The following CMTM8 variants were observed in gnomAD, a reference collection of about 807,000 sequenced individuals.
CMTM8 encodes the protein CKLF-like MARVEL transmembrane domain-containing protein 8.
Under a neutral mutation model 18.6 loss-of-function variants are expected in CMTM8, and 12 were observed. That is an observed-to-expected ratio of 0.65 (90% CI 0.41 to 1.05). The LOEUF (loss-of-function observed/expected upper bound fraction) is 1.05. Ranked by LOEUF, CMTM8 falls within the 50% of genes least tolerant of loss-of-function variation. The pLI is 0.00. For synonymous variants in CMTM8, 87 were observed against 90.6 expected (o/e 0.96, Z 0.23); for missense variants, 217 against 227.2 (o/e 0.95, Z 0.29).
intron 1 of CMTM8, among the ~76,000 whole-genome samples, chr3:32,329,832 G>A (rs1479582504): frequency 1.3e-5 from 2 of 152,226 alleles, no homozygotes; most frequent in Non-Finnish European, 2.9e-5. Flanking sequence ...CCAATGACAT[G>A]ACCTAGTACG....
At chr3:32,273,334 A>G (rs1702469942) in intron 1 of CMTM8, among the ~76,000 whole-genome samples, 2 of 151,094 alleles carry the variant, frequency 1.3e-5, no homozygotes, top group South Asian at 4.2e-4. Flanking sequence ...GTATGTGTAC[A>G]CACACACACA....
At chr3:32,361,101 C>T (rs1267247166) in intron 2 of CMTM8, among the ~76,000 whole-genome samples, 1 of 152,156 alleles carries the variant, frequency 6.6e-6, no homozygotes, top group Non-Finnish European at 1.5e-5. Context: ...CCTGCCTCAG[C>T]CTCCCGCGTA....
chr3:32,369,026 T>C (rs1446785435), intron 3 of CMTM8, among the ~76,000 whole-genome samples: 1 of 152,082 alleles, frequency 6.6e-6, no homozygotes, highest in African/African-American at 2.4e-5. Context: ...AAAAGTAGAT[T>C]GGTCGGGCAC....
intron 1 of CMTM8, among the ~76,000 whole-genome samples, chr3:32,241,407 C>T (rs1701944994): frequency 6.6e-6 from 1 of 152,138 alleles, no homozygotes; most frequent in African/African-American, 2.4e-5. Context: ...AGAAATCATA[C>T]TTCGAATTTT....
chr3:32,331,402 TA>T, intron 1 of CMTM8, among the ~76,000 whole-genome samples: 1 of 152,102 alleles, frequency 6.6e-6, no homozygotes, highest in Admixed American at 6.5e-5. Flanking sequence ...TGGAAAACAG[TA>T]CGGGGGGTCC....
intron 1 of CMTM8, among the ~76,000 whole-genome samples, chr3:32,333,529 T>TA (rs919185327): frequency 6.6e-5 from 10 of 152,048 alleles, no homozygotes; most frequent in Admixed American, 5.9e-4. Context: ...TCATTTTTTT[T>TA]ATCCTTTCTC....
At chr3:32,327,510 T>C (rs1343166263) in intron 1 of CMTM8, among the ~76,000 whole-genome samples, 3 of 152,258 alleles carry the variant, frequency 2.0e-5, no homozygotes, top group Non-Finnish European at 4.4e-5. Flanking sequence ...CCTGAAGGTT[T>C]TGATTCTTCT....
chr3:32,326,458 C>G (rs370376684), intron 1 of CMTM8, among the ~76,000 whole-genome samples: 1 of 152,006 alleles, frequency 6.6e-6, no homozygotes, highest in Non-Finnish European at 1.5e-5. Flanking sequence ...CAAATCCCAG[C>G]CTCATCCCGG....
chr3:32,344,324 A>G (rs918539839), intron 1 of CMTM8, among the ~76,000 whole-genome samples: 4 of 152,208 alleles, frequency 2.6e-5, no homozygotes, highest in Admixed American at 1.3e-4. Context: ...ACCTGTTTTC[A>G]AGGCTAGAGT....
Position 32,368,007 on chromosome 3 carries a change from C to T in CMTM8, c.438+19C>T. 1 of 1,477,698 alleles carries T rather than the reference C, an allele frequency of 6.8e-7. No individual in the cohort carries two copies. Among genetic ancestry groups the T allele is most frequent in the Admixed American group, 1.7e-5 (1 of 59,818 alleles). 91.5% of individuals were successfully genotyped at this position (1,477,698 alleles called of 1,614,324 possible). A position where few individuals can be genotyped will look rare whatever the true frequency, so the allele number is the denominator to read the frequency against. On this transcript the variant is annotated intron_variant, in intron 3 of 3. Coordinates refer to ENST00000307526, the MANE Select transcript of CMTM8 (RefSeq NM_178868.5). ...CTCATCGGTGAGTAGCCCTCCATCC[C>T]CACATGATCCTCCTCTTCCCTCTCC...
intron 3 of CMTM8, among the ~76,000 whole-genome samples, chr3:32,369,315 G>A (rs1253890365): frequency 1.3e-5 from 2 of 152,024 alleles, no homozygotes; most frequent in East Asian, 1.9e-4. Context: ...ACTCCGTCTC[G>A]AAAAAACAAA....
intron 1 of CMTM8, among the ~76,000 whole-genome samples, chr3:32,308,141 A>G (rs1374051182): frequency 6.6e-6 from 1 of 151,704 alleles, no homozygotes; most frequent in African/African-American, 2.4e-5. Context: ...TCAGGATGAA[A>G]GAGTCACACC....
chr3:32,257,525 G>A (rs1292362973), intron 1 of CMTM8, among the ~76,000 whole-genome samples: 1 of 151,958 alleles, frequency 6.6e-6, no homozygotes, highest in Non-Finnish European at 1.5e-5. Flanking sequence ...TACACTTTAA[G>A]CCCAAATTCA....
intron 1 of CMTM8, among the ~76,000 whole-genome samples, chr3:32,302,945 T>C (rs1021123793): frequency 1.3e-5 from 2 of 152,176 alleles, no homozygotes; most frequent in Admixed American, 6.5e-5. Flanking sequence ...AGACCTGGTC[T>C]CACACTTAAA....
At chr3:32,340,180 G>A (rs548476321) in intron 1 of CMTM8, among the ~76,000 whole-genome samples, 4 of 152,246 alleles carry the variant, frequency 2.6e-5, no homozygotes, top group East Asian at 1.9e-4. Flanking sequence ...TGTGCAAGGC[G>A]TTGTAAGTGT....
chr3:32,307,976 G>C (rs558740672), intron 1 of CMTM8, among the ~76,000 whole-genome samples: 1 of 152,366 alleles, frequency 6.6e-6, no homozygotes, highest in Non-Finnish European at 1.5e-5. Context: ...TTTAGGCTCT[G>C]AGAAGCCAAG....
At chr3:32,257,343 C>T (rs767348645) in intron 1 of CMTM8, among the ~76,000 whole-genome samples, 3 of 152,294 alleles carry the variant, frequency 2.0e-5, no homozygotes, top group African/African-American at 7.2e-5. Context: ...AATCTAGCTT[C>T]GGCATAGGGA....
At chr3:32,290,117 A>AAAAAG (rs1009993040) in intron 1 of CMTM8, among the ~76,000 whole-genome samples, 1 of 141,520 alleles carries the variant, frequency 7.1e-6, no homozygotes, top group Non-Finnish European at 1.5e-5. Flanking sequence ...CTGTCTCAAA[A>AAAAAG]AAAAGAAAAG....
At chr3:32,277,817 GCA>G (rs1702542310) in intron 1 of CMTM8, among the ~76,000 whole-genome samples, 1 of 152,152 alleles carries the variant, frequency 6.6e-6, no homozygotes, top group Non-Finnish European at 1.5e-5. Flanking sequence ...TTGGACAAAT[GCA>G]CAATACTGAG....
Sources: allele counts gnomAD v4.1 joint callset (sites outside exome capture counted in the v4.1 genomes callset), GRCh38; gene constraint gnomAD v4.1.1; transcripts MANE v1.5; gene names NCBI Gene and HGNC (gene_info 2026-07-23, HGNC 2026-07-21).